Variants in RRP12 observed in about 807,000 individuals in gnomAD.
RRP12 encodes the protein ribosomal RNA processing 12 homolog, also known as RRP12-like protein.
Under a neutral mutation model 157.3 loss-of-function variants are expected in RRP12, and 78 were observed. That is an observed-to-expected ratio of 0.50 (90% CI 0.41 to 0.60). RRP12 has a LOEUF of 0.60. Ranked by LOEUF, RRP12 falls within the 20% of genes least tolerant of loss-of-function variation. RRP12 has a pLI of 0.00. For missense variants in RRP12, 1,521 were observed against 1,679.9 expected (o/e 0.91, Z 1.65); for synonymous variants, 726 against 670.9 (o/e 1.08, Z -1.27).
At position 97,388,543 on chromosome 10, in the gene RRP12, G is replaced by A. The variant is rs1284477463; in HGVS notation, c.835C>T (p.Pro279Ser). The A allele has an allele frequency of 2.0e-5, 32 of 1,614,076 alleles. No homozygotes were observed. Among genetic ancestry groups the A allele is most frequent in the Non-Finnish European group, 2.7e-5 (32 of 1,180,044 alleles). ...AACTTGGCAGTGGAAATGGCAGCAGGATGATGGGCAGGGGCCTTTTCAAAC... is the reference window on the plus strand; with the variant it reads ...AACTTGGCAGTGGAAATGGCAGCAGAATGATGGGCAGGGGCCTTTTCAAAC... ...FMFEKAPAHH[P>S]AAISTAKFCI... Residue 279 changes from proline to serine, a missense_variant, in exon 7 of 34, where the codon CCT becomes TCT. Physicochemically the swap from Pro to Ser is moderately conservative, Grantham distance 74. Transcript: ENST00000370992.
At chr10:97,387,135 T>C (rs1308978185) in intron 8 of RRP12, among the ~76,000 whole-genome samples, 2 of 152,162 alleles carry the variant, frequency 1.3e-5, no homozygotes, top group African/African-American at 4.8e-5. Flanking sequence ...CCTACACGCA[T>C]CCTCCCATAC....
In RRP12 at chr10:97,367,129, C is replaced by T. The variant is rs1399300598; in HGVS notation, c.2959G>A (p.Glu987Lys). 3.1e-6 allele frequency: 5 copies of T among 1,614,022 alleles called. No homozygotes were observed. The highest frequency in any genetic ancestry group is 4.2e-6 in the Non-Finnish European group (5 of 1,179,942). Residue 987 changes from glutamate (E) to lysine (K), a missense_variant, in exon 26 of 34, where the codon GAA becomes AAA. Coordinates refer to ENST00000370992, the MANE Select transcript of RRP12 (RefSeq NM_015179.4). ...TCATCTGAAAGCTTCCCAATGGCTT[C>T]CATCTGCCGGACAGAGCACCAGGCT... ...HLAKHVQLVM[E>K]AIGKLSDDMR...
At chr10:97,387,335 C>CA (rs2133081734) in intron 8 of RRP12, among the ~76,000 whole-genome samples, 1 of 137,942 alleles carries the variant, frequency 7.2e-6, no homozygotes, top group South Asian at 2.3e-4. Context: ...TTTCTTTTTC[C>CA]TTTTTTTTTT....
chr10:97,401,154 G>T lies in RRP12; in HGVS notation c.78C>A (p.Ser26Arg). The T allele has an allele frequency of 6.2e-7, 1 of 1,614,130 alleles. No individual in the cohort carries two copies. Among genetic ancestry groups the T allele is most frequent in the Non-Finnish European group, 8.5e-7 (1 of 1,180,034 alleles). Residue 26 changes from serine to arginine, a missense_variant, in exon 1 of 34, where the codon AGC becomes AGA. Physicochemically the swap from Ser to Arg is moderately radical, Grantham distance 110. Transcript: ENST00000370992. ...KRWKKGHSSD[S>R]NPAICRHRQA... ...GACGGTGGCGGCAGATGGCGGGGTT[G>T]CTGTCGCTGCTGTGGCCTTTCTTCC...
chr10:97,363,483 G>GT (rs1843894632), intron 30 of RRP12, among the ~76,000 whole-genome samples: 1 of 152,194 alleles, frequency 6.6e-6, no homozygotes, highest in African/African-American at 2.4e-5. Context: ...GGACAACGGA[G>GT]TCCCTATCTT....
chr10:97,379,633 G>A lies in RRP12; in HGVS notation c.1671C>T (p.Gly557=), dbSNP rs1042712769. The A allele has an allele frequency of 1.9e-6, 3 of 1,613,870 alleles. No individual in the cohort carries two copies. The highest frequency in any genetic ancestry group is 2.5e-6 in the Non-Finnish European group (3 of 1,179,920). Reference sequence around the variant, plus strand: ...CCAGCCAGGGCCACACTTACTCAGAGCCATCAATTTCCAAAGGCACAGCCT... The same window carrying A: ...CCAGCCAGGGCCACACTTACTCAGAACCATCAATTTCCAAAGGCACAGCCT... ...VLQAVPLEID[G]SEETLDFPRS... is the part of the protein sequence containing the mutation. The change falls in exon 14 of 34, where the codon GGC becomes GGT. Residue 557 remains glycine (G), a synonymous_variant. Coordinates refer to ENST00000370992, the MANE Select transcript of RRP12 (RefSeq NM_015179.4).
At chr10:97,372,647 G>C in intron 19 of RRP12, 89 bp downstream of exon 19, 1 of 1,041,404 alleles carries the variant, frequency 9.6e-7, no homozygotes, top group Non-Finnish European at 1.5e-6. Flanking sequence ...CTTAAATAAT[G>C]CAAGAGGGAA....
intron 19 of RRP12, 42 bp downstream of exon 19, chr10:97,372,694 C>T: frequency 6.6e-7 from 1 of 1,515,628 alleles, no homozygotes; most frequent in Non-Finnish European, 9.0e-7. Context: ...CTCCAGCTCC[C>T]TGGGCTGCTC....
chr10:97,360,518 T>TC, intron 31 of RRP12, 28 bp downstream of exon 31: 1 of 1,563,608 alleles, frequency 6.4e-7, no homozygotes, highest in South Asian at 1.1e-5. Context: ...GATCCATGTG[T>TC]CCCAGGAGAG....
Position 97,397,993 on chromosome 10 carries a change from GTATATATATATACATA to G in RRP12, c.370-1708_370-1693del, listed in dbSNP as rs1300116817. 4.4e-5 allele frequency among the ~76,000 whole-genome samples: 3 copies of G among 67,478 alleles called. No homozygotes were observed. The South Asian group carries it at 1.5e-3, about 33-fold the overall frequency. 44.3% of individuals were successfully genotyped at this position (67,478 alleles called of 152,430 possible). On this transcript the variant is annotated intron_variant, in intron 2 of 33. Transcript: ENST00000370992. Reference sequence around the variant, plus strand: ...AACAAAATTGGGTAAAAAAAAATACGTATATATATATACATATATATATATATATGTATATATATAT... The same window carrying G: ...AACAAAATTGGGTAAAAAAAAATACGTATATATATATATGTATATATATAT...
chr10:97,369,519 C>G lies in RRP12; in HGVS notation c.2861G>C (p.Arg954Pro). The G allele has an allele frequency of 6.3e-7, 1 of 1,599,368 alleles. No individual in the cohort carries two copies. The highest frequency in any genetic ancestry group is 8.5e-7 in the Non-Finnish European group (1 of 1,173,038). ...TGCAGACTTGACCACGTCACGGGTG[C>G]GGGAGGCCAGAAGCAGGCACACATT... ...LENVCLLLAS[R>P]TRDVVKSALG... Residue 954 changes from arginine to proline, a missense_variant, in exon 25 of 34, where the codon CGC becomes CCC. Coordinates refer to ENST00000370992, the MANE Select transcript of RRP12 (RefSeq NM_015179.4).
At chr10:97,400,184 G>C in intron 2 of RRP12, 121 bp downstream of exon 2, 1 of 754,472 alleles carries the variant, frequency 1.3e-6, no homozygotes, top group Non-Finnish European at 2.3e-6. Flanking sequence ...GGGGAGGAGC[G>C]ATGACGCATC....
At chr10:97,392,139 T>A (rs1386384477) in intron 4 of RRP12, among the ~76,000 whole-genome samples, 2 of 151,876 alleles carry the variant, frequency 1.3e-5, no homozygotes, top group Admixed American at 6.6e-5. Context: ...CCTAGCTCAT[T>A]TTTGTATTTT....
At chr10:97,389,218 C>T (rs927436899) in intron 6 of RRP12, among the ~76,000 whole-genome samples, 4 of 152,070 alleles carry the variant, frequency 2.6e-5, no homozygotes, top group Admixed American at 6.6e-5. Flanking sequence ...CTCCGCCTCC[C>T]GAGCAGCTGG....
At chr10:97,385,444 C>G (rs1407492152) in intron 9 of RRP12, among the ~76,000 whole-genome samples, 187 bp from the exon 10 acceptor site, 1 of 151,954 alleles carries the variant, frequency 6.6e-6, no homozygotes, top group East Asian at 1.9e-4. Context: ...AGCTCTAATT[C>G]TTTGGGAGAA....
intron 8 of RRP12, among the ~76,000 whole-genome samples, chr10:97,387,487 C>G (rs935849688): frequency 6.6e-6 from 1 of 151,950 alleles, no homozygotes; most frequent in African/African-American, 2.4e-5. Flanking sequence ...GCGCGTGCAG[C>G]CATGCCCAGT....
intron 29 of RRP12, among the ~76,000 whole-genome samples, chr10:97,365,643 G>A (rs1589412970): frequency 1.3e-5 from 2 of 151,888 alleles, no homozygotes; most frequent in South Asian, 2.1e-4. Flanking sequence ...AGAGAGCTCC[G>A]AGATGCCACA....
At chr10:97,369,641 T>C (rs1051300755) in intron 24 of RRP12, 59 bp from the exon 25 acceptor site, 5 of 1,500,384 alleles carry the variant, frequency 3.3e-6, no homozygotes, top group Non-Finnish European at 4.5e-6. Flanking sequence ...GACCCAAACC[T>C]TCCCCACTGG....
chr10:97,401,029 T>C, intron 1 of RRP12, 64 bp downstream of exon 1: 4 of 1,577,954 alleles, frequency 2.5e-6, no homozygotes, highest in Non-Finnish European at 3.4e-6. Flanking sequence ...GGCCCCAGAC[T>C]CATCTGGACC....
Sources: gnomAD v4.1 joint callset for allele counts (sites outside exome capture counted in the v4.1 genomes callset) on GRCh38, gnomAD v4.1.1 for gene constraint, MANE v1.5 for transcripts, NCBI Gene and HGNC (gene_info 2026-07-23, HGNC 2026-07-21) for gene names.